SLFN5: variants seen among roughly 807,000 people sequenced by gnomAD.
SLFN5 encodes the protein schlafen family member 5.
Under a neutral mutation model 48.5 loss-of-function variants are expected in SLFN5, and 34 were observed. That is an observed-to-expected ratio of 0.70 (90% CI 0.53 to 0.93). SLFN5 has a LOEUF of 0.93. SLFN5 is among the 40% of genes least tolerant of loss of function. SLFN5 has a pLI of 0.00. For missense variants in SLFN5, 1,006 were observed against 1,071.3 expected, an observed-to-expected ratio of 0.94 and a Z score of 0.85; for synonymous variants, 387 against 396.2, an observed-to-expected ratio of 0.98 and a Z score of 0.28.
chr17:35,265,020 G>T, intron 4 of SLFN5, 52 bp from the exon 5 acceptor site: 1 of 1,560,976 alleles, frequency 6.4e-7, no homozygotes, highest in South Asian at 1.3e-5. Context: ...TTTAAGAGTA[G>T]AATCTGCTTT....
rs58644233 is a variant in SLFN5 at position 35,266,142 on chromosome 17, ATGTGTGTGTGTG to A, written c.*279_*290del. On this transcript the variant is annotated 3_prime_UTR_variant, in exon 5 of 5. Coordinates refer to ENST00000299977, the MANE Select transcript of SLFN5 (RefSeq NM_144975.4). The stretch of plus-strand genomic sequence containing the variant: ...AATTAGAGGACCGTGAGACTCAGAG[ATGTGTGTGTGTG>A]TGTGTGTGTGTGTGTGTGTGTGTGC... 19 of 240,430 alleles carry A rather than the reference ATGTGTGTGTGTG, an allele frequency of 7.9e-5. No individual in the cohort carries two copies. The highest frequency in any genetic ancestry group is 1.1e-4 in the Non-Finnish European group (14 of 125,216). 14.9% of individuals were successfully genotyped at this position (240,430 alleles called of 1,614,324 possible). A position where few individuals can be genotyped will look rare whatever the true frequency, so the allele number is the denominator to read the frequency against.
Position 35,261,082 on chromosome 17 carries a change from A to G in SLFN5, c.1124A>G (p.Lys375Arg). 1 of 1,613,430 alleles carries G rather than the reference A, an allele frequency of 6.2e-7. No individual in the cohort carries two copies. Among genetic ancestry groups the G allele is most frequent in the South Asian group, 1.1e-5 (1 of 91,018 alleles). The change falls in exon 3 of 5, where the codon AAA becomes AGA. Residue 375 changes from lysine to arginine, a missense_variant. By Grantham distance (26) the Lys-to-Arg change is conservative. Coordinates refer to ENST00000299977, the MANE Select transcript of SLFN5 (RefSeq NM_144975.4). ...KNSECLKEQQ[K>R]RYFPVFSDRV... is the part of the protein sequence containing the mutation. The stretch of plus-strand genomic sequence containing the variant: ...TCGGAATGTCTGAAAGAGCAGCAGA[A>G]ACGCTACTTTCCAGGTAATTGGCCA...
chr17:35,258,533 C>T (rs747232716), intron 1 of SLFN5, 118 bp from the exon 2 acceptor site: 9 of 775,626 alleles, frequency 1.2e-5, no homozygotes, highest in Non-Finnish European at 1.8e-5. Flanking sequence ...GGGACACAGT[C>T]AAATCATATC....
chr17:35,263,945 A>G (rs1904596806), intron 3 of SLFN5, among the ~76,000 whole-genome samples: 1 of 152,042 alleles, frequency 6.6e-6, no homozygotes, highest in Non-Finnish European at 1.5e-5. Context: ...TTCACATAAT[A>G]CTTTCTGTCC....
rs1201206965 is a variant in SLFN5, at chr17:35,273,199, A to G, written c.*7311A>G. On this transcript the variant is annotated 3_prime_UTR_variant, in exon 5 of 5. Transcript: ENST00000299977. The stretch of plus-strand genomic sequence containing the variant: ...ATACTGTGGTGTTGAACAAAACAAC[A>G]TGCTGAAAATGTCTCTTATTCTTTT... 1 of 152,236 alleles carries G rather than the reference A, an allele frequency of 6.6e-6. No individual in the cohort carries two copies. The allele number at this position is 152,236 out of a possible 1,614,324, so 9.4% of individuals were successfully genotyped here.
Position 35,269,764 on chromosome 17 carries a change from T to C in SLFN5, c.*3876T>C, listed in dbSNP as rs930833783. 1 of 152,192 alleles carries C rather than the reference T, an allele frequency of 6.6e-6. No homozygotes were observed. The highest frequency in any genetic ancestry group is 1.5e-5 in the Non-Finnish European group (1 of 68,034). The allele number at this position is 152,192 out of a possible 1,614,324, so 9.4% of individuals were successfully genotyped here. On this transcript the variant is annotated 3_prime_UTR_variant, in exon 5 of 5. Coordinates refer to ENST00000299977, the MANE Select transcript of SLFN5 (RefSeq NM_144975.4). Reference sequence around the variant, plus strand: ...TGAAAAATTTCCACAAAACATGATGTAAAGTGGAAAGATCAGTTCCCCCAA... The same window carrying C: ...TGAAAAATTTCCACAAAACATGATGCAAAGTGGAAAGATCAGTTCCCCCAA...
In SLFN5 at chr17:35,269,933, A is replaced by G. The variant is rs1904791652; in HGVS notation, c.*4045A>G. ...CAAAACAACTTTAAAAATGGCTTCA[A>G]ACATTTTATGCTTTTTGTAATTTAG... On this transcript the variant is annotated 3_prime_UTR_variant, in exon 5 of 5. Coordinates refer to ENST00000299977, the MANE Select transcript of SLFN5 (RefSeq NM_144975.4). The G allele has an allele frequency of 6.6e-6, 1 of 152,190 alleles. No homozygotes were observed. The highest frequency in any genetic ancestry group is 1.5e-5 in the Non-Finnish European group (1 of 68,028). 9.4% of individuals were successfully genotyped at this position (152,190 alleles called of 1,614,324 possible).
rs1357398138 is a variant in SLFN5 at position 35,265,674 on chromosome 17, A to AGCG, written c.2463_2464insCGG (p.Glu821_Glu822insArg). The stretch of plus-strand genomic sequence containing the variant: ...AAGAGAAAACTGTCTCAGCTCCATG[A>AGCG]GGAGTCTGATCTGTTACTACAGATC... On this transcript the variant is annotated inframe_insertion, in exon 5 of 5. Coordinates refer to ENST00000299977, the MANE Select transcript of SLFN5 (RefSeq NM_144975.4). The AGCG allele has an allele frequency of 6.2e-7, 1 of 1,614,064 alleles. No individual in the cohort carries two copies. The highest frequency in any genetic ancestry group is 1.3e-5 in the African/African-American group (1 of 74,942).
At chr17:35,262,273 G>A (rs374240937) in intron 3 of SLFN5, among the ~76,000 whole-genome samples, 8 of 151,206 alleles carry the variant, frequency 5.3e-5, no homozygotes, top group South Asian at 4.2e-4. Flanking sequence ...CCAGCTCCTC[G>A]GGAGGCTGAG....
Position 35,265,807 on chromosome 17 carries a change from A to T in SLFN5, c.2595A>T (p.Pro865=), listed in dbSNP as rs751316793. ...IVFGINPGVA[P]PAGAYNLLLC... ...TTGGAATCAATCCAGGAGTAGCCCC[A>T]CCGGCTGGGGCCTACAATCTTCTGC... The change falls in exon 5 of 5, where the codon CCA becomes CCT. Residue 865 remains proline, a synonymous_variant. Transcript: ENST00000299977. 1 of 1,614,088 alleles carries T rather than the reference A, an allele frequency of 6.2e-7. No individual in the cohort carries two copies. The highest frequency in any genetic ancestry group is 1.3e-5 in the African/African-American group (1 of 74,940).
In SLFN5 at chr17:35,264,413, A is replaced by C. The variant is rs764435403; in HGVS notation, c.1369A>C (p.Ser457Arg). ...CACCCCTATTCTCTACACCATCTTC[A>C]GCAAGTGGGATGCGGGGTGCAAGGG... is the stretch of plus-strand genomic sequence containing the variant. The part of the protein sequence containing the change: ...NNTPILYTIF[S>R]KWDAGCKGYS... Residue 457 changes from serine to arginine, a missense_variant, in exon 4 of 5, where the codon AGC (serine) becomes CGC (arginine). Transcript: ENST00000299977. 3.1e-6 allele frequency: 5 copies of C among 1,614,208 alleles called. No individual in the cohort carries two copies. In the Admixed American group the frequency reaches 5.0e-5, roughly 16 times the overall value.
chr17:35,252,189 A>C (rs2092444018), intron 1 of SLFN5, among the ~76,000 whole-genome samples: 2 of 152,106 alleles, frequency 1.3e-5, no homozygotes, highest in Non-Finnish European at 2.9e-5. Flanking sequence ...CAGCACTTTA[A>C]GAGGCTGAGG....
chr17:35,266,079 T>C lies in SLFN5; in HGVS notation c.*191T>C, dbSNP rs923812203. The C allele has an allele frequency of 8.6e-6, 5 of 581,208 alleles. No individual in the cohort carries two copies. Among genetic ancestry groups the C allele is most frequent in the Non-Finnish European group, 1.5e-5 (5 of 342,850 alleles). The allele number at this position is 581,208 out of a possible 1,614,324, so 36.0% of individuals were successfully genotyped here. A position where few individuals can be genotyped will look rare whatever the true frequency, so the allele number is the denominator to read the frequency against. ...GACAGACCACTGACAAATACACAGA[T>C]AGACAAGGAATTTCCCATGGTAAAA... On this transcript the variant is annotated 3_prime_UTR_variant, in exon 5 of 5. Coordinates refer to ENST00000299977, the MANE Select transcript of SLFN5 (RefSeq NM_144975.4).
At position 35,264,847 on chromosome 17, in the gene SLFN5, T is replaced by C; in HGVS notation, c.1803T>C (p.Cys601=). The C allele has an allele frequency of 1.9e-6, 3 of 1,593,642 alleles. No homozygotes were observed. The highest frequency in any genetic ancestry group is 1.7e-6 in the Non-Finnish European group (2 of 1,172,392). ...AGAAGATCAGGAATGTGTTTCACTG[T>C]GAACCGGCTAACATTCTCTACATCT... ...IMEKIRNVFH[C]EPANILYICE... Residue 601 remains cysteine, a synonymous_variant, in exon 4 of 5, where the codon TGT becomes TGC. Coordinates refer to ENST00000299977, the MANE Select transcript of SLFN5 (RefSeq NM_144975.4).
rs1904672901 is a variant in SLFN5, at chr17:35,265,951, T to G, written c.*63T>G. On this transcript the variant is annotated 3_prime_UTR_variant, in exon 5 of 5. Transcript: ENST00000299977. ...CATCTCTAATTAACTGTGAAACCATTTAATCCAAACATGTAAGCACACACT... is the reference window on the plus strand; with the variant it reads ...CATCTCTAATTAACTGTGAAACCATGTAATCCAAACATGTAAGCACACACT... The G allele has an allele frequency of 2.7e-6, 4 of 1,485,668 alleles. No homozygotes were observed. 92.0% of individuals were successfully genotyped at this position (1,485,668 alleles called of 1,614,324 possible). A position where few individuals can be genotyped will look rare whatever the true frequency, so the allele number is the denominator to read the frequency against.
intron 1 of SLFN5, among the ~76,000 whole-genome samples, chr17:35,249,868 CT>C (rs2092438471): frequency 6.6e-6 from 1 of 152,108 alleles, no homozygotes; most frequent in Admixed American, 6.5e-5. Flanking sequence ...GTGTAAGGGG[CT>C]AAAAATTCCA....
chr17:35,246,811 A>G (rs2375914), intron 1 of SLFN5, among the ~76,000 whole-genome samples: 77,701 of 151,054 alleles, frequency 0.51, 20,864 homozygotes, highest in Middle Eastern at 0.6. Flanking sequence ...CCGAAATAGC[A>G]CCACTGCACT....
chr17:35,252,484 C>G (rs1027130552), intron 1 of SLFN5, among the ~76,000 whole-genome samples: 5 of 152,150 alleles, frequency 3.3e-5, no homozygotes, highest in African/African-American at 4.8e-5. Flanking sequence ...TGTCGCCTGT[C>G]AACAACATAA....
In SLFN5 at chr17:35,259,108, A is replaced by T. The variant is rs766008815; in HGVS notation, c.418A>T (p.Arg140Trp). ...SQEALAFLKCRTQTPTNINVS... is the reference protein window; with the variant it reads ...SQEALAFLKCWTQTPTNINVS... ...GGAAGCTCTGGCATTCCTCAAATGC[A>T]GGACTCAGACTCCAACGAATATTAA... is the stretch of plus-strand genomic sequence containing the variant. Residue 140 changes from arginine to tryptophan, a missense_variant, in exon 2 of 5, where the codon AGG (arginine) becomes TGG (tryptophan). Coordinates refer to ENST00000299977, the MANE Select transcript of SLFN5 (RefSeq NM_144975.4). The T allele has an allele frequency of 6.2e-7, 1 of 1,614,222 alleles. No individual in the cohort carries two copies. Among genetic ancestry groups the T allele is most frequent in the Admixed American group, 1.7e-5 (1 of 60,020 alleles).
Sources: allele counts gnomAD v4.1 joint callset (sites outside exome capture counted in the v4.1 genomes callset), GRCh38; gene constraint gnomAD v4.1.1; transcripts MANE v1.5; gene names NCBI Gene and HGNC (gene_info 2026-07-23, HGNC 2026-07-21).